The following LPAR3 variants were observed in gnomAD, a reference collection of about 807,000 sequenced individuals.
LPAR3 encodes LPA receptor 3.
A neutral mutation model predicts 17.8 loss-of-function variants in LPAR3; 7 were observed. The ratio of observed to expected loss-of-function variants is 0.39; its 90% CI spans 0.22 to 0.74. The LOEUF (loss-of-function observed/expected upper bound fraction) is 0.74. LPAR3 is among the 30% of genes least tolerant of loss of function. The pLI, the probability that LPAR3 is intolerant of heterozygous loss-of-function variation, is 0.40. For missense variants in LPAR3, 391 were observed against 453.4 expected, an observed-to-expected ratio of 0.86 and a Z score of 1.25; for synonymous variants, 179 against 179.9, an observed-to-expected ratio of 0.99 and a Z score of 0.04.
At chr1:84,874,994 G>A (rs981910581) in intron 1 of LPAR3, among the ~76,000 whole-genome samples, 3 of 151,446 alleles carry the variant, frequency 2.0e-5, no homozygotes, top group Non-Finnish European at 4.4e-5. Context: ...CCACCTTCCT[G>A]GTTCAAGCGA....
chr1:84,834,088 A>C (rs1239767030), intron 2 of LPAR3, among the ~76,000 whole-genome samples: 1 of 152,196 alleles, frequency 6.6e-6, no homozygotes, highest in Non-Finnish European at 1.5e-5. Flanking sequence ...GTGTGCTGAG[A>C]CTGAGCCATG....
chr1:84,874,208 CTT>C (rs1660213365), intron 1 of LPAR3, among the ~76,000 whole-genome samples: 1 of 151,462 alleles, frequency 6.6e-6, no homozygotes, highest in African/African-American at 2.4e-5. Flanking sequence ...TGGGAAAATA[CTT>C]AATACAAACG....
chr1:84,826,049 C>T (rs970397072), intron 2 of LPAR3, among the ~76,000 whole-genome samples: 5 of 151,890 alleles, frequency 3.3e-5, no homozygotes, highest in South Asian at 2.1e-4. Context: ...ATAATGATAA[C>T]GGTGCTTTGC....
At chr1:84,828,759 T>A (rs1265639767) in intron 2 of LPAR3, among the ~76,000 whole-genome samples, 1 of 152,194 alleles carries the variant, frequency 6.6e-6, no homozygotes, top group East Asian at 1.9e-4. Context: ...TCTTGCAGAA[T>A]TTCCTCAGAT....
At chr1:84,886,967 G>A (rs1660472564) in intron 1 of LPAR3, among the ~76,000 whole-genome samples, 1 of 152,044 alleles carries the variant, frequency 6.6e-6, no homozygotes, top group Non-Finnish European at 1.5e-5. Flanking sequence ...GAATACATAA[G>A]GAATCCATGA....
chr1:84,882,836 T>C (rs1660390320), intron 1 of LPAR3, among the ~76,000 whole-genome samples: 1 of 152,138 alleles, frequency 6.6e-6, no homozygotes, highest in African/African-American at 2.4e-5. Context: ...AAAATGGTGC[T>C]AGAAAAAAAT....
At chr1:84,833,456 T>C (rs185613623) in intron 2 of LPAR3, among the ~76,000 whole-genome samples, 17 of 152,296 alleles carry the variant, frequency 1.1e-4, no homozygotes, top group Admixed American at 5.2e-4. Flanking sequence ...TGGTAAGGAC[T>C]GAGCGAGAGA....
chr1:84,876,302 T>G (rs557073156), intron 1 of LPAR3, among the ~76,000 whole-genome samples: 8 of 152,164 alleles, frequency 5.3e-5, no homozygotes, highest in Non-Finnish European at 1.2e-4. Context: ...TCTCATCACA[T>G]GCATCTTCCA....
chr1:84,847,697 C>T (rs369192288), intron 2 of LPAR3, among the ~76,000 whole-genome samples: 3 of 152,308 alleles, frequency 2.0e-5, no homozygotes, highest in African/African-American at 7.2e-5. Context: ...TCTGCTGATG[C>T]CAGGGTCCTC....
Position 84,870,820 on chromosome 1 carries a change from C to T in LPAR3, c.-18-4682G>A, listed in dbSNP as rs372388322. Among the ~76,000 whole-genome samples, 12 of 152,298 alleles carry T rather than the reference C, an allele frequency of 7.9e-5. No homozygotes were observed. In the South Asian group the frequency reaches 2.5e-3, roughly 32 times the overall value. On this transcript the variant is annotated intron_variant, in intron 1 of 2. Coordinates refer to ENST00000370611, the MANE Select transcript of LPAR3 (RefSeq NM_012152.3). ...ACAGCCTGCATTCTTATCTGCAACA[C>T]TATACTTTATCTCCACAGGCATGTG... is the stretch of plus-strand genomic sequence containing the variant.
intron 2 of LPAR3, among the ~76,000 whole-genome samples, chr1:84,834,592 T>C (rs527755972): frequency 6.6e-6 from 1 of 152,362 alleles, no homozygotes; most frequent in African/African-American, 2.4e-5. Context: ...TTGGCAAGAC[T>C]GCTTTCCTTT....
rs1175209623 is a variant in LPAR3 at position 84,813,150 on chromosome 1, T to TAGAGAG, written c.*695_*696insCTCTCT. 4.5e-5 allele frequency: 5 copies of TAGAGAG among 110,700 alleles called. No homozygotes were observed. In the South Asian group the frequency reaches 1.3e-3, roughly 28 times the overall value. The allele number at this position is 110,700 out of a possible 1,614,324, so 6.9% of individuals were successfully genotyped here. A position where few individuals can be genotyped will look rare whatever the true frequency, so the allele number is the denominator to read the frequency against. ...GAATATATATATATATATATATATATATATATATAGACACACACACACACA... is the reference window on the plus strand; with the variant it reads ...GAATATATATATATATATATATATATAGAGAGATATATATAGACACACACACACACA... On this transcript the variant is annotated 3_prime_UTR_variant, in exon 3 of 3. Transcript: ENST00000370611.
intron 2 of LPAR3, among the ~76,000 whole-genome samples, chr1:84,847,146 T>A (rs1234773957): frequency 2.0e-5 from 3 of 152,244 alleles, no homozygotes; most frequent in African/African-American, 7.2e-5. Context: ...CTTTTGCTAC[T>A]CCCCTCGGGC....
At chr1:84,849,448 G>C (rs1659660330) in intron 2 of LPAR3, among the ~76,000 whole-genome samples, 1 of 151,836 alleles carries the variant, frequency 6.6e-6, no homozygotes, top group African/African-American at 2.4e-5. Flanking sequence ...GGATTCTGAG[G>C]CTGTAAACTG....
intron 1 of LPAR3, among the ~76,000 whole-genome samples, chr1:84,887,277 T>C (rs187943908): frequency 4.6e-4 from 69 of 151,156 alleles, no homozygotes; most frequent in Admixed American, 2.0e-3. Context: ...CTTGGGGGGC[T>C]GAGGCAGGAG....
intron 2 of LPAR3, among the ~76,000 whole-genome samples, chr1:84,814,961 T>A (rs1431123838): frequency 6.6e-6 from 1 of 152,172 alleles, no homozygotes; most frequent in Non-Finnish European, 1.5e-5. Context: ...TTCATGATAT[T>A]TTTCTCCCAT....
chr1:84,858,222 C>T (rs1351880660), intron 2 of LPAR3, among the ~76,000 whole-genome samples: 1 of 152,128 alleles, frequency 6.6e-6, no homozygotes, highest in Non-Finnish European at 1.5e-5. Flanking sequence ...TGGTTCATGC[C>T]TGCAATCCCA....
intron 2 of LPAR3, among the ~76,000 whole-genome samples, chr1:84,841,811 A>C (rs1659509734): frequency 6.6e-6 from 1 of 152,156 alleles, no homozygotes; most frequent in Non-Finnish European, 1.5e-5. Context: ...TCTGCTCATA[A>C]GTCCTTCCCT....
intron 2 of LPAR3, among the ~76,000 whole-genome samples, chr1:84,826,071 A>T (rs372031008): frequency 6.6e-6 from 1 of 151,996 alleles, no homozygotes; most frequent in Admixed American, 6.6e-5. Flanking sequence ...GAGTTGTGCA[A>T]TGTGAAGAAA....
Sources: gnomAD v4.1 joint callset for allele counts (sites outside exome capture counted in the v4.1 genomes callset) on GRCh38, gnomAD v4.1.1 for gene constraint, MANE v1.5 for transcripts, NCBI Gene and HGNC (gene_info 2026-07-23, HGNC 2026-07-21) for gene names.